The following TNNT2 variants were observed in gnomAD, a reference collection of about 807,000 sequenced individuals.
The protein encoded by TNNT2 is troponin T, cardiac muscle.
A neutral mutation model predicts 62.4 loss-of-function variants in TNNT2; 34 were observed. The observed-to-expected ratio is 0.54, with a 90% confidence interval of 0.41 to 0.72. The LOEUF is 0.72. Among genes scored for constraint, TNNT2 ranks in the 30% least tolerant of loss-of-function variants. The pLI, the probability that TNNT2 is intolerant of heterozygous loss-of-function variation, is 0.00. For synonymous variants in TNNT2, 123 were observed against 127.2 expected (o/e 0.97, Z 0.22); for missense variants, 275 against 381.9 (o/e 0.72, Z 2.33).
intron 1 of TNNT2, chr1:201,373,733 C>T (rs944855333): frequency 5.6e-5 from 12 of 214,562 alleles, no homozygotes; most frequent in Admixed American, 1.0e-4. Flanking sequence ...ACCACCATGC[C>T]CGACTAATTT....
intron 11 of TNNT2, chr1:201,363,811 T>G (rs1344970656): frequency 3.6e-5 from 11 of 307,568 alleles, no homozygotes; most frequent in Non-Finnish European, 6.1e-5. Flanking sequence ...ATTTCTGTCT[T>G]GTTTGCTGAT....
At chr1:201,368,472 T>C in intron 5 of TNNT2, 1 of 584,838 alleles carries the variant, frequency 1.7e-6, no homozygotes, top group South Asian at 1.5e-5. Context: ...CTCCACCTCA[T>C]TCCCCAACTT....
rs769280371 is a variant in TNNT2 at position 201,362,409 on chromosome 1, C to G, written c.601-15G>C. The G allele has an allele frequency of 1.2e-6, 2 of 1,613,680 alleles. No homozygotes were observed. Among genetic ancestry groups the G allele is most frequent in the Admixed American group, 1.7e-5 (1 of 59,956 alleles). Reference sequence around the variant, plus strand: ...ACCTGGGCCTGCTAAACCGGGAAACCATGAGAGAGAGGCCCATAGAAAAAG... The same window carrying G: ...ACCTGGGCCTGCTAAACCGGGAAACGATGAGAGAGAGGCCCATAGAAAAAG... On this transcript the variant is annotated splice_polypyrimidine_tract_variant and intron_variant, in intron 12 of 16. Transcript: ENST00000656932.
rs533060555 is a variant in TNNT2 at position 201,368,023 on chromosome 1, C to T, written c.163+139G>A. ...GGTCAACGTTTGTTGATTGGGCAAT[C>T]AATGGTTGAATCTTAGTCAATAGGA... On this transcript the variant is annotated intron_variant, in intron 6 of 16. Transcript: ENST00000656932. The T allele has an allele frequency of 3.9e-6, 4 of 1,033,172 alleles. No homozygotes were observed. The African/African-American group carries it at 6.3e-5, about 16-fold the overall frequency. 64.0% of individuals were successfully genotyped at this position (1,033,172 alleles called of 1,614,324 possible). A position where few individuals can be genotyped will look rare whatever the true frequency, so the allele number is the denominator to read the frequency against.
intron 4 of TNNT2, among the ~76,000 whole-genome samples, chr1:201,370,487 A>G (rs191438454): frequency 6.8e-4 from 103 of 152,334 alleles, no homozygotes; most frequent in African/African-American, 2.4e-3. Context: ...CAGTTGTTCT[A>G]CGTACAAATA....
intron 15 of TNNT2, 94 bp downstream of exon 15, chr1:201,361,185 A>T: frequency 8.2e-7 from 1 of 1,218,956 alleles, no homozygotes; most frequent in Non-Finnish European, 1.2e-6. Flanking sequence ...GAATAGGGAC[A>T]GGGACCCAGG....
rs1057523597 is a variant in TNNT2, at chr1:201,362,371, G to A, written c.609+15C>T. 6.2e-7 allele frequency: 1 copy of A among 1,613,806 alleles called. No individual in the cohort carries two copies. The highest frequency in any genetic ancestry group is 1.3e-5 in the African/African-American group (1 of 75,034). On this transcript the variant is annotated intron_variant, in intron 13 of 16. Transcript: ENST00000656932. ...ACTATGGGGAGGAAGAAGGCTTGAG[G>A]TTTTTGGTACCCACCTGGGCCTGCT...
intron 10 of TNNT2, 26 bp from the exon 11 acceptor site, chr1:201,364,401 C>T (rs1441290690): frequency 1.2e-6 from 2 of 1,609,280 alleles, no homozygotes; most frequent in East Asian, 2.2e-5. Context: ...AAAGCCCACC[C>T]AGGTGTGCAT....
At chr1:201,369,713 C>A (rs1441923023) in intron 5 of TNNT2, 103 bp downstream of exon 5, 1 of 1,446,216 alleles carries the variant, frequency 6.9e-7, no homozygotes, top group Non-Finnish European at 9.7e-7. Flanking sequence ...GTCCCTGCCG[C>A]CTACTCACAC....
At chr1:201,366,076 C>T in intron 8 of TNNT2, 1 of 1,146,278 alleles carries the variant, frequency 8.7e-7, no homozygotes, top group Non-Finnish European at 1.1e-6. Flanking sequence ...ACCTGGGAGT[C>T]TTGCAGTTTG....
intron 13 of TNNT2, 176 bp from the exon 14 acceptor site, chr1:201,362,198 A>AT: frequency 8.3e-7 from 1 of 1,211,440 alleles, no homozygotes; most frequent in East Asian, 2.5e-5. Flanking sequence ...AAACTGAGGT[A>AT]GGGGCAAGAA....
rs558658754 is a variant in TNNT2, at chr1:201,367,438, G to A, written c.199+333C>T. 8.5e-4 allele frequency: 424 copies of A among 496,716 alleles called. 6 individuals carry two copies. In the South Asian group the frequency reaches 9.3e-3, roughly 11 times the overall value. 30.8% of individuals were successfully genotyped at this position (496,716 alleles called of 1,614,324 possible). On this transcript the variant is annotated intron_variant, in intron 7 of 16. Transcript: ENST00000656932. Reference sequence around the variant, plus strand: ...TCTATGCATTGGGATTTCATCCTACGGACACCACATCCTACAAGTGATTTC... The same window carrying A: ...TCTATGCATTGGGATTTCATCCTACAGACACCACATCCTACAAGTGATTTC...
At chr1:201,374,894 A>G (rs758996798) in intron 1 of TNNT2, 4 of 152,212 alleles carry the variant, frequency 2.6e-5, no homozygotes, top group Non-Finnish European at 5.9e-5. Context: ...GGACAGGGTG[A>G]TGTGAGAGTG....
chr1:201,363,230 A>G (rs1659024596), intron 12 of TNNT2, 66 bp downstream of exon 12: 1 of 1,612,208 alleles, frequency 6.2e-7, no homozygotes, highest in Non-Finnish European at 8.5e-7. Flanking sequence ...TACCTGCTGC[A>G]GTGGACACCT....
chr1:201,359,331 G>A (rs1658159626), intron 16 of TNNT2, 76 bp from the exon 17 acceptor site: 6 of 1,557,006 alleles, frequency 3.9e-6, no homozygotes, highest in Non-Finnish European at 5.2e-6. Context: ...GGGTAGGACT[G>A]GGGTGCCAAA....
chr1:201,371,902 T>G, intron 4 of TNNT2, 125 bp downstream of exon 4: 1 of 1,313,830 alleles, frequency 7.6e-7, no homozygotes, highest in Non-Finnish European at 1.1e-6. Context: ...GGCACTGTTG[T>G]TGGAGGATCT....
intron 4 of TNNT2, 37 bp from the exon 5 acceptor site, chr1:201,369,882 G>A (rs1660359441): frequency 6.2e-7 from 1 of 1,613,884 alleles, no homozygotes; most frequent in Admixed American, 1.7e-5. Context: ...GAGGGGAAAA[G>A]CGAGACAGGT....
intron 1 of TNNT2, chr1:201,374,980 CT>C (rs1401431272): frequency 6.6e-6 from 1 of 152,608 alleles, no homozygotes; most frequent in African/African-American, 2.4e-5. Flanking sequence ...TGCTGCCCAC[CT>C]CCTGCCCCAC....
rs886045828 is a variant in TNNT2 at position 201,361,941 on chromosome 1, T to C, written c.691A>G (p.Ile231Val). The change falls in exon 14 of 17, where the codon ATT becomes GTT. Residue 231 changes from isoleucine to valine, a missense_variant. Ile to Val is a conservative substitution (Grantham distance 29, BLOSUM62 3). Transcript: ENST00000656932. ...ILAERRKVLA[I>V]DHLNEDQLRE... The stretch of plus-strand genomic sequence containing the variant: ...AGCTGATCTTCATTCAGGTGGTCAA[T>C]GGCCAGCACCTTCCTCCTCTCAGCC... 5 of 1,614,102 alleles carry C rather than the reference T, an allele frequency of 3.1e-6. No individual in the cohort carries two copies. The African/African-American group carries it at 5.3e-5, about 17-fold the overall frequency.
Sources: allele counts gnomAD v4.1 joint callset (sites outside exome capture counted in the v4.1 genomes callset), GRCh38; gene constraint gnomAD v4.1.1; transcripts MANE v1.5; gene names NCBI Gene and HGNC (gene_info 2026-07-23, HGNC 2026-07-21).